Variants in PIBF1 observed in about 807,000 individuals in gnomAD.
PIBF1 encodes progesterone immunomodulatory binding factor 1, also known as progesterone-induced-blocking factor 1.
In PIBF1, 90 loss-of-function variants were observed where a neutral mutation model predicts 112.5. The observed-to-expected ratio is 0.80, with a 90% CI of 0.67 to 0.95. The LOEUF is 0.95. Among genes scored for constraint, PIBF1 ranks in the 40% least tolerant of loss-of-function variants. The pLI, the probability that PIBF1 is intolerant of heterozygous loss-of-function variation, is 0.00. For synonymous variants in PIBF1, 301 were observed against 288.6 expected (o/e 1.04, Z -0.44); for missense variants, 915 against 852.3 (o/e 1.07, Z -0.92).
At chr13:72,903,522 G>A (rs985818003) in intron 11 of PIBF1, among the ~76,000 whole-genome samples, 1 of 152,208 alleles carries the variant, frequency 6.6e-6, no homozygotes, top group African/African-American at 2.4e-5. Flanking sequence ...ATCCAGTTCA[G>A]TAGCCACTTG....
chr13:72,897,647 G>A (rs182926724), intron 11 of PIBF1, among the ~76,000 whole-genome samples: 1 of 152,172 alleles, frequency 6.6e-6, no homozygotes, highest in Non-Finnish European at 1.5e-5. Context: ...AACACCAAAA[G>A]CGAGCAGGGG....
chr13:72,915,163 T>C (rs1475691337), intron 12 of PIBF1, among the ~76,000 whole-genome samples: 1 of 151,810 alleles, frequency 6.6e-6, no homozygotes, highest in Non-Finnish European at 1.5e-5. Context: ...TATATATATA[T>C]ACCATTTTAT....
intron 14 of PIBF1, among the ~76,000 whole-genome samples, chr13:72,943,038 ATTTAT>A (rs2042053809): frequency 6.6e-6 from 1 of 152,172 alleles, no homozygotes; most frequent in African/African-American, 2.4e-5. Flanking sequence ...GAACAGTGGC[ATTTAT>A]TTCATTACTA....
chr13:72,795,498 C>A lies in PIBF1; in HGVS notation c.493C>A (p.Gln165Lys). 1 of 1,607,548 alleles carries A rather than the reference C, an allele frequency of 6.2e-7. No homozygotes were observed. The highest frequency in any genetic ancestry group is 8.5e-7 in the Non-Finnish European group (1 of 1,177,538). Residue 165 changes from glutamine (Q) to lysine (K), a missense_variant, in exon 4 of 18, where the codon CAA (glutamine) becomes AAA (lysine). Gln to Lys is a moderately conservative substitution (Grantham distance 53). Transcript: ENST00000326291. ...GCGTGACTTTGAGTTGACAGAAGAG[C>A]AATATATTAAATTAAAAGCTTTTCC... is the stretch of plus-strand genomic sequence containing the variant. ...NLRDFELTEE[Q>K]YIKLKAFPED...
intron 3 of PIBF1, among the ~76,000 whole-genome samples, chr13:72,793,317 A>G (rs1471800463): frequency 6.6e-6 from 1 of 152,214 alleles, no homozygotes; most frequent in East Asian, 1.9e-4. Flanking sequence ...TTAAGATTTT[A>G]CTACTTAACT....
intron 2 of PIBF1, among the ~76,000 whole-genome samples, chr13:72,786,927 A>G (rs1422748917): frequency 1.3e-5 from 2 of 152,254 alleles, no homozygotes; most frequent in African/African-American, 4.8e-5. Flanking sequence ...ATGCATCATT[A>G]CATACATTGC....
intron 17 of PIBF1, among the ~76,000 whole-genome samples, chr13:73,011,873 C>T (rs1366734257): frequency 6.6e-6 from 1 of 152,102 alleles, no homozygotes; most frequent in Non-Finnish European, 1.5e-5. Context: ...TCAATTGTGC[C>T]ATAAATGTTG....
At chr13:72,872,424 G>A (rs1268459940) in intron 10 of PIBF1, among the ~76,000 whole-genome samples, 2 of 152,098 alleles carry the variant, frequency 1.3e-5, no homozygotes, top group Admixed American at 6.6e-5. Flanking sequence ...CACCATTTAG[G>A]TATAGAAATA....
At chr13:72,876,015 A>G (rs1391119910) in intron 10 of PIBF1, among the ~76,000 whole-genome samples, 1 of 151,876 alleles carries the variant, frequency 6.6e-6, no homozygotes, top group Admixed American at 6.6e-5. Context: ...GCCCAGACCA[A>G]GGTTATCTAG....
At chr13:72,894,747 T>C (rs1004000195) in intron 11 of PIBF1, among the ~76,000 whole-genome samples, 7 of 142,574 alleles carry the variant, frequency 4.9e-5, no homozygotes, top group Non-Finnish European at 1.1e-4. Context: ...GTACAATATA[T>C]AATATATATA....
chr13:72,883,066 C>A (rs1227764000), intron 10 of PIBF1, among the ~76,000 whole-genome samples: 1 of 152,056 alleles, frequency 6.6e-6, no homozygotes, highest in Non-Finnish European at 1.5e-5. Context: ...TTACAGTAGC[C>A]AAGACTTGGG....
chr13:72,897,588 A>G (rs960072598), intron 11 of PIBF1, among the ~76,000 whole-genome samples: 3 of 152,196 alleles, frequency 2.0e-5, no homozygotes, highest in Non-Finnish European at 4.4e-5. Context: ...CCTAACACAT[A>G]AGGACTCACA....
At chr13:72,969,679 C>T (rs986849195) in intron 15 of PIBF1, 3 of 152,174 alleles carry the variant, frequency 2.0e-5, no homozygotes, top group Admixed American at 1.3e-4. Context: ...CTACTCGAAG[C>T]AAATGGCATT....
intron 10 of PIBF1, among the ~76,000 whole-genome samples, chr13:72,856,376 G>C (rs574028365): frequency 3.9e-5 from 6 of 152,220 alleles, no homozygotes; most frequent in African/African-American, 1.4e-4. Context: ...ATAGGAGGAG[G>C]CTTATTTTTA....
chr13:72,985,371 CAAAAAAAAAAAA>C (rs67195605), intron 16 of PIBF1, among the ~76,000 whole-genome samples: 1 of 76,282 alleles, frequency 1.3e-5, no homozygotes, highest in South Asian at 5.7e-4. Context: ...ACTAAAAATA[CAAAAAAAAAAAA>C]AAAAAAAAAA....
chr13:72,915,160 A>G (rs1428651084), intron 12 of PIBF1, among the ~76,000 whole-genome samples: 1 of 152,178 alleles, frequency 6.6e-6, no homozygotes, highest in Admixed American at 6.5e-5. Flanking sequence ...ATATATATAT[A>G]TATACCATTT....
chr13:72,959,311 T>G (rs2042542731), intron 14 of PIBF1, among the ~76,000 whole-genome samples: 1 of 152,134 alleles, frequency 6.6e-6, no homozygotes, highest in Admixed American at 6.5e-5. Context: ...TCACTATTTT[T>G]TTTTACATTT....
At chr13:72,883,663 T>C (rs533454845) in intron 10 of PIBF1, among the ~76,000 whole-genome samples, 1 of 152,282 alleles carries the variant, frequency 6.6e-6, no homozygotes, top group South Asian at 2.1e-4. Context: ...ATTTTTTCTA[T>C]TCTTAGTAGA....
At chr13:72,994,352 G>A (rs2043580212) in intron 16 of PIBF1, among the ~76,000 whole-genome samples, 1 of 152,114 alleles carries the variant, frequency 6.6e-6, no homozygotes, top group Non-Finnish European at 1.5e-5. Context: ...GAAAACAAAA[G>A]GGCAGAAACT....
Sources: gnomAD v4.1 joint callset for allele counts (sites outside exome capture counted in the v4.1 genomes callset) on GRCh38, gnomAD v4.1.1 for gene constraint, MANE v1.5 for transcripts, NCBI Gene and HGNC (gene_info 2026-07-23, HGNC 2026-07-21) for gene names.